Variants in CFAP299 observed in about 807,000 individuals in gnomAD.
CFAP299 encodes cilia and flagella associated protein 299.
A neutral mutation model predicts 27.0 loss-of-function variants in CFAP299; 21 were observed. That is an observed-to-expected ratio of 0.78 (90% CI 0.55 to 1.12). CFAP299 has a LOEUF of 1.12. CFAP299 is among the 50% of genes most tolerant of loss of function. The pLI is 0.00. For synonymous variants in CFAP299, 104 were observed against 98.1 expected (o/e 1.06, Z -0.36); for missense variants, 310 against 276.6 (o/e 1.12, Z -0.86).
At chr4:80,613,404 C>A (rs141788623) in intron 3 of CFAP299, among the ~76,000 whole-genome samples, 1 of 151,986 alleles carries the variant, frequency 6.6e-6, no homozygotes, top group African/African-American at 2.4e-5. Flanking sequence ...TGATGTAGTA[C>A]GTATGTTAAT....
intron 3 of CFAP299, among the ~76,000 whole-genome samples, chr4:80,681,300 T>C (rs550834666): frequency 2.0e-5 from 3 of 152,122 alleles, no homozygotes; most frequent in Admixed American, 1.3e-4. Flanking sequence ...TGTCTGTTAA[T>C]GTTCCATCCA....
chr4:80,823,166 C>G (rs1729799916), intron 3 of CFAP299, among the ~76,000 whole-genome samples: 1 of 152,148 alleles, frequency 6.6e-6, no homozygotes, highest in Admixed American at 6.6e-5. Context: ...TTGGTCTCCT[C>G]AGGGACAGGA....
intron 3 of CFAP299, among the ~76,000 whole-genome samples, chr4:80,610,949 A>C (rs1047339947): frequency 2.6e-5 from 4 of 151,998 alleles, no homozygotes; most frequent in African/African-American, 9.7e-5. Context: ...GCCCTCCAAA[A>C]GTAAGTGCAA....
At chr4:80,620,810 A>G (rs1452581220) in intron 3 of CFAP299, among the ~76,000 whole-genome samples, 1 of 152,132 alleles carries the variant, frequency 6.6e-6, no homozygotes, top group Admixed American at 6.6e-5. Context: ...CTGTCTGGCC[A>G]TGACATTTTT....
intron 2 of CFAP299, among the ~76,000 whole-genome samples, chr4:80,452,631 G>A (rs888974191): frequency 2.0e-5 from 3 of 152,076 alleles, no homozygotes; most frequent in Non-Finnish European, 4.4e-5. Flanking sequence ...AACATTAAAA[G>A]GGATGTCAAA....
chr4:80,568,236 A>G (rs898709372), intron 2 of CFAP299, among the ~76,000 whole-genome samples: 15 of 151,770 alleles, frequency 9.9e-5, no homozygotes, highest in Admixed American at 7.9e-4. Context: ...TACATTTTTT[A>G]TAATCCAGTC....
intron 4 of CFAP299, among the ~76,000 whole-genome samples, chr4:80,926,804 A>T (rs1030014538): frequency 6.6e-6 from 1 of 152,128 alleles, no homozygotes; most frequent in African/African-American, 2.4e-5. Flanking sequence ...TTATGGAGCA[A>T]TTATAAGGCA....
At chr4:80,430,926 T>C (rs1727781786) in intron 2 of CFAP299, among the ~76,000 whole-genome samples, 1 of 152,178 alleles carries the variant, frequency 6.6e-6, no homozygotes, top group Non-Finnish European at 1.5e-5. Flanking sequence ...GGGCCTTTTT[T>C]TGTGGGAACC....
At chr4:80,919,460 T>C (rs1016238303) in intron 4 of CFAP299, among the ~76,000 whole-genome samples, 38 of 152,166 alleles carry the variant, frequency 2.5e-4, no homozygotes, top group African/African-American at 9.2e-4. Flanking sequence ...GAATTTTCTA[T>C]TATAGTTTCA....
At chr4:80,754,371 T>A (rs1274870985) in intron 3 of CFAP299, among the ~76,000 whole-genome samples, 1 of 152,188 alleles carries the variant, frequency 6.6e-6, no homozygotes, top group Non-Finnish European at 1.5e-5. Flanking sequence ...AAGACCACTG[T>A]TCCTTAATGC....
intron 3 of CFAP299, among the ~76,000 whole-genome samples, chr4:80,842,129 C>T (rs1197847484): frequency 1.3e-5 from 2 of 151,956 alleles, no homozygotes; most frequent in African/African-American, 4.8e-5. Flanking sequence ...TGGGTCTTCC[C>T]CTGGATATAA....
chr4:80,377,219 A>G (rs533366396), intron 2 of CFAP299, among the ~76,000 whole-genome samples: 43 of 152,176 alleles, frequency 2.8e-4, no homozygotes, highest in South Asian at 2.7e-3. Flanking sequence ...TATCTTTTCT[A>G]TATTTTCTTT....
intron 3 of CFAP299, among the ~76,000 whole-genome samples, chr4:80,694,904 T>C (rs1382585435): frequency 2.6e-5 from 4 of 152,244 alleles, no homozygotes; most frequent in Non-Finnish European, 5.9e-5. Flanking sequence ...AAGCCTCATT[T>C]ACATGGCTTA....
At chr4:80,607,846 A>AT (rs1424760927) in intron 3 of CFAP299, among the ~76,000 whole-genome samples, 1 of 152,128 alleles carries the variant, frequency 6.6e-6, no homozygotes, top group Admixed American at 6.5e-5. Flanking sequence ...CTTGCTTTCC[A>AT]TTTCTTAATG....
chr4:80,913,017 C>T (rs1735556799), intron 4 of CFAP299, among the ~76,000 whole-genome samples: 1 of 152,130 alleles, frequency 6.6e-6, no homozygotes, highest in African/African-American at 2.4e-5. Context: ...CCCTAGTCCC[C>T]TCCACCATTA....
chr4:80,844,566 C>T (rs186815327), intron 3 of CFAP299, among the ~76,000 whole-genome samples: 2,347 of 152,204 alleles, frequency 0.015, 27 homozygotes, highest in African/African-American at 0.03. Context: ...TGAGAATTGT[C>T]TGTTCATATC....
At chr4:80,582,915 A>G (rs977031491) in intron 2 of CFAP299, among the ~76,000 whole-genome samples, 178 bp from the exon 3 acceptor site, 2 of 151,922 alleles carry the variant, frequency 1.3e-5, no homozygotes, top group Non-Finnish European at 2.9e-5. Context: ...GTGTTTATAA[A>G]TAAAGACTCT....
rs528957724 is a variant in CFAP299 at position 80,743,045 on chromosome 4, G to C, written c.334-126948G>C. Among the ~76,000 whole-genome samples, 93 of 152,234 alleles carry C rather than the reference G, an allele frequency of 6.1e-4. 1 individual carries two copies. In the South Asian group the frequency reaches 0.014, roughly 23 times the overall value. Reference sequence around the variant, plus strand: ...TAGAAAGTATTGTATCCGTTAACTTGGTTGCTCTAACTGCTTTTGTAGTTA... The same window carrying C: ...TAGAAAGTATTGTATCCGTTAACTTCGTTGCTCTAACTGCTTTTGTAGTTA... On this transcript the variant is annotated intron_variant, in intron 3 of 5. Transcript: ENST00000358105.
At chr4:80,508,186 A>G (rs529173350) in intron 2 of CFAP299, among the ~76,000 whole-genome samples, 20 of 152,288 alleles carry the variant, frequency 1.3e-4, no homozygotes, top group African/African-American at 3.8e-4. Flanking sequence ...GAAATCTGCT[A>G]TGTTTTTGAT....
Sources: allele counts gnomAD v4.1 joint callset (sites outside exome capture counted in the v4.1 genomes callset), GRCh38; gene constraint gnomAD v4.1.1; transcripts MANE v1.5; gene names NCBI Gene and HGNC (gene_info 2026-07-23, HGNC 2026-07-21).